TCF7L2: variants seen among roughly 807,000 people sequenced by gnomAD.
TCF7L2 encodes the protein transcription factor 7-like 2.
A neutral mutation model predicts 77.9 loss-of-function variants in TCF7L2; 23 were observed. The observed-to-expected ratio is 0.30, with a 90% CI of 0.21 to 0.42. TCF7L2 has a LOEUF of 0.42. Ranked by LOEUF, TCF7L2 falls within the 10% of genes least tolerant of loss-of-function variation. TCF7L2 has a pLI of 1.00. For synonymous variants in TCF7L2, 413 were observed against 340.2 expected (o/e 1.21, Z -2.36); for missense variants, 654 against 793.1 (o/e 0.82, Z 2.11).
At chr10:113,028,316 A>AG (rs1191804156) in intron 4 of TCF7L2, among the ~76,000 whole-genome samples, 1 of 152,148 alleles carries the variant, frequency 6.6e-6, no homozygotes, top group Non-Finnish European at 1.5e-5. Flanking sequence ...ACTTGCATGC[A>AG]GGGGGGTCGT....
Position 113,151,129 on chromosome 10 carries a change from T to C in TCF7L2, c.1001+6T>C, listed in dbSNP as rs759985461. On this transcript the variant is annotated splice_donor_region_variant and intron_variant, in intron 9 of 13. Transcript: ENST00000627217. This position sits in a 1 kb window ranked among gnomAD's most constrained non-coding sequence, Gnocchi z 5.2. Reference sequence around the variant, plus strand: ...GTCGGCTCACTCCATAGTTCGTAAGTGTTGCTGTTTTTCTCACCTTCTTCG... The same window carrying C: ...GTCGGCTCACTCCATAGTTCGTAAGCGTTGCTGTTTTTCTCACCTTCTTCG... 2 of 1,614,098 alleles carry C rather than the reference T, an allele frequency of 1.2e-6. No individual in the cohort carries two copies. The highest frequency in any genetic ancestry group is 1.7e-6 in the Non-Finnish European group (2 of 1,179,982).
intron 5 of TCF7L2, among the ~76,000 whole-genome samples, chr10:113,049,464 T>C (rs1340364657): frequency 6.6e-6 from 1 of 152,050 alleles, no homozygotes; most frequent in Non-Finnish European, 1.5e-5. Context: ...GTGTCCTCTC[T>C]ACCTTCAAAG....
intron 4 of TCF7L2, among the ~76,000 whole-genome samples, chr10:112,980,352 G>A (rs1273123013): frequency 6.6e-6 from 1 of 152,190 alleles, no homozygotes; most frequent in East Asian, 1.9e-4. Flanking sequence ...AATGTGCAGA[G>A]AGGAATTTTT....
At chr10:113,004,611 C>G (rs1420639832) in intron 4 of TCF7L2, among the ~76,000 whole-genome samples, 1 of 152,224 alleles carries the variant, frequency 6.6e-6, no homozygotes, top group Non-Finnish European at 1.5e-5. Flanking sequence ...TAAACGTCTT[C>G]AGACAATTAG....
chr10:113,077,119 C>T (rs1260120839), intron 5 of TCF7L2, among the ~76,000 whole-genome samples: 2 of 152,302 alleles, frequency 1.3e-5, no homozygotes, highest in East Asian at 3.9e-4. Context: ...TTACATTCTT[C>T]CCTGAGTCCT....
intron 5 of TCF7L2, among the ~76,000 whole-genome samples, chr10:113,085,952 A>G (rs2059794828): frequency 6.6e-6 from 1 of 152,242 alleles, no homozygotes; most frequent in South Asian, 2.1e-4. Context: ...CAGTGCTGCC[A>G]GTGGCGGTGA....
intron 5 of TCF7L2, among the ~76,000 whole-genome samples, chr10:113,082,887 G>A (rs1220895472): frequency 6.6e-6 from 1 of 152,040 alleles, no homozygotes; most frequent in Non-Finnish European, 1.5e-5. Flanking sequence ...GAAATTCAGA[G>A]AGTACAGCTA....
In TCF7L2 at chr10:112,950,964, G is replaced by C. The variant is rs767870516; in HGVS notation, c.189+19G>C. The C allele has an allele frequency of 2.5e-6, 4 of 1,599,158 alleles. No individual in the cohort carries two copies. Among genetic ancestry groups the C allele is most frequent in the South Asian group, 1.1e-5 (1 of 88,696 alleles). On this transcript the variant is annotated intron_variant, in intron 1 of 13. Transcript: ENST00000627217. ...TTCCGAGGTAGGAAAAGCCCCTCGG[G>C]CTGGTGGGGTTTTTTATCTGTTTCC...
At chr10:113,064,670 C>CT (rs2057002681) in intron 5 of TCF7L2, among the ~76,000 whole-genome samples, 2 of 152,188 alleles carry the variant, frequency 1.3e-5, no homozygotes, top group Non-Finnish European at 2.9e-5. Flanking sequence ...CATAAGTACC[C>CT]TTGTGCAAAA....
At chr10:113,056,790 T>C (rs2134725353) in intron 5 of TCF7L2, among the ~76,000 whole-genome samples, 1 of 152,338 alleles carries the variant, frequency 6.6e-6, no homozygotes, top group Non-Finnish European at 1.5e-5. Context: ...TGGTCTGACA[T>C]GATTCATTTG....
intron 1 of TCF7L2, 34 bp downstream of exon 1, chr10:112,950,979 T>A (rs2030794845): frequency 1.3e-6 from 2 of 1,588,540 alleles, no homozygotes; most frequent in African/African-American, 1.4e-5. Context: ...TGGGGTTTTT[T>A]ATCTGTTTCC....
chr10:112,986,920 G>T (rs1332566583), intron 4 of TCF7L2, among the ~76,000 whole-genome samples: 1 of 152,016 alleles, frequency 6.6e-6, no homozygotes, highest in Non-Finnish European at 1.5e-5. Context: ...TTTGCTCCTG[G>T]GCTTTTTCTT....
At chr10:113,159,267 G>C (rs1364634960) in intron 12 of TCF7L2, among the ~76,000 whole-genome samples, 8 of 151,610 alleles carry the variant, frequency 5.3e-5, no homozygotes, top group African/African-American at 7.3e-5. Context: ...ACTCCTAACA[G>C]CTCATTCACA....
chr10:113,006,077 G>T (rs1475958920), intron 4 of TCF7L2, among the ~76,000 whole-genome samples: 1 of 152,124 alleles, frequency 6.6e-6, no homozygotes, highest in East Asian at 1.9e-4. Flanking sequence ...TTTGGGGAGA[G>T]TCAGGATAAA....
chr10:113,006,857 C>T (rs571214979), intron 4 of TCF7L2, among the ~76,000 whole-genome samples: 17 of 152,342 alleles, frequency 1.1e-4, no homozygotes, highest in African/African-American at 2.9e-4. Flanking sequence ...AGCCTCTGCT[C>T]ACCCCTCCGG....
chr10:113,112,919 A>T (rs960989631), intron 5 of TCF7L2, among the ~76,000 whole-genome samples: 1 of 152,160 alleles, frequency 6.6e-6, no homozygotes, highest in South Asian at 2.1e-4. Context: ...CTTTTCCCTG[A>T]TTATGCTTTT....
chr10:112,951,629 C>CCCCGCCCGCTG (rs922830851), intron 3 of TCF7L2, 22 bp downstream of exon 3: 3 of 1,145,078 alleles, frequency 2.6e-6, no homozygotes, highest in South Asian at 2.8e-5. Context: ...CGCGCCCGGC[C>CCCCGCCCGCTG]CCCGCCCGCT....
chr10:112,967,266 TAATA>T (rs1332403903), intron 4 of TCF7L2, among the ~76,000 whole-genome samples: 1 of 152,156 alleles, frequency 6.6e-6, no homozygotes, highest in Non-Finnish European at 1.5e-5. Flanking sequence ...TGTTCAACCT[TAATA>T]AATACTAGAT....
chr10:113,100,191 A>C (rs2061479016), intron 5 of TCF7L2, among the ~76,000 whole-genome samples: 1 of 152,210 alleles, frequency 6.6e-6, no homozygotes, highest in African/African-American at 2.4e-5. Context: ...ACAACCACAC[A>C]CTATAAACAA....
Sources: allele counts gnomAD v4.1 joint callset (sites outside exome capture counted in the v4.1 genomes callset), GRCh38; gene constraint gnomAD v4.1.1; non-coding constraint Gnocchi (gnomAD v3.1); transcripts MANE v1.5; gene names NCBI Gene and HGNC (gene_info 2026-07-23, HGNC 2026-07-21).